The following SDC2 variants were observed in gnomAD, a reference collection of about 807,000 sequenced individuals.
The protein encoded by SDC2 is syndecan-2.
SDC2 carries 13 observed loss-of-function variants against 22.2 expected under a neutral mutation model. The ratio of observed to expected loss-of-function variants is 0.59; its 90% CI spans 0.38 to 0.93. SDC2 has a LOEUF of 0.93. Among genes scored for constraint, SDC2 ranks in the 40% least tolerant of loss-of-function variants. SDC2 has a pLI of 0.00. For synonymous variants in SDC2, 94 were observed against 92.8 expected (o/e 1.01, Z -0.07); for missense variants, 235 against 246.8 (o/e 0.95, Z 0.32).
At chr8:96,538,487 A>C (rs1393464933) in intron 1 of SDC2, among the ~76,000 whole-genome samples, 7,331 of 151,760 alleles carry the variant, frequency 0.048, 604 homozygotes, top group African/African-American at 0.16. Flanking sequence ...TTAAAGTCCA[A>C]TGTTAAGTCT....
At chr8:96,500,661 CAAAAAAAAAAA>C (rs56672989) in intron 1 of SDC2, among the ~76,000 whole-genome samples, 1 of 73,642 alleles carries the variant, frequency 1.4e-5, no homozygotes, top group East Asian at 3.3e-4. Flanking sequence ...GACTCCATCT[CAAAAAAAAAAA>C]AAAAAAAAAG....
chr8:96,596,128 C>G (rs1013340740), intron 2 of SDC2, among the ~76,000 whole-genome samples: 1 of 152,172 alleles, frequency 6.6e-6, no homozygotes, highest in Non-Finnish European at 1.5e-5. Flanking sequence ...ACGAGAAAAC[C>G]TGAGGCACAG....
At chr8:96,607,984 G>T (rs1815110979) in intron 3 of SDC2, among the ~76,000 whole-genome samples, 1 of 152,124 alleles carries the variant, frequency 6.6e-6, no homozygotes, top group African/African-American at 2.4e-5. Flanking sequence ...AGTGCTGTTG[G>T]GTTGGAGCAG....
chr8:96,591,890 C>G (rs1814787715), intron 1 of SDC2, among the ~76,000 whole-genome samples: 1 of 152,052 alleles, frequency 6.6e-6, no homozygotes, highest in South Asian at 2.1e-4. Flanking sequence ...TTTAAAGGAG[C>G]TGAGAGCCTA....
intron 1 of SDC2, among the ~76,000 whole-genome samples, chr8:96,540,644 T>G (rs190050818): frequency 6.6e-6 from 1 of 152,104 alleles, no homozygotes; most frequent in Admixed American, 6.5e-5. Flanking sequence ...CCCCCAACAC[T>G]CCTTTTTCAA....
intron 1 of SDC2, among the ~76,000 whole-genome samples, chr8:96,560,607 T>C (rs899049525): frequency 6.6e-6 from 1 of 152,200 alleles, no homozygotes; most frequent in South Asian, 2.1e-4. Context: ...GTTTGACTTT[T>C]AAGATGGAAG....
chr8:96,551,049 T>G (rs567063515), intron 1 of SDC2, among the ~76,000 whole-genome samples: 1 of 152,188 alleles, frequency 6.6e-6, no homozygotes, highest in African/African-American at 2.4e-5. Flanking sequence ...AGCATGTTCA[T>G]GCAAGTCCCC....
At chr8:96,524,665 C>A in intron 1 of SDC2, among the ~76,000 whole-genome samples, 1 of 151,550 alleles carries the variant, frequency 6.6e-6, no homozygotes. Context: ...GGGTGGCTGG[C>A]GTAATGAACC....
intron 1 of SDC2, among the ~76,000 whole-genome samples, chr8:96,537,642 T>A (rs1333439681): frequency 1.3e-5 from 2 of 152,238 alleles, no homozygotes; most frequent in East Asian, 3.8e-4. Flanking sequence ...TTCTTCTGTA[T>A]GATTTTTGCT....
At chr8:96,509,614 C>G (rs1428159054) in intron 1 of SDC2, among the ~76,000 whole-genome samples, 1 of 98,034 alleles carries the variant, frequency 1.0e-5, no homozygotes, top group Non-Finnish European at 2.7e-5. Flanking sequence ...CTTGGCCCCA[C>G]TCCAGACAAT....
chr8:96,587,147 C>G (rs1814700775), intron 1 of SDC2, among the ~76,000 whole-genome samples: 1 of 152,194 alleles, frequency 6.6e-6, no homozygotes, highest in South Asian at 2.1e-4. Flanking sequence ...TGGTCTCAAA[C>G]TCCTGACCTC....
At chr8:96,551,493 G>T (rs1488355222) in intron 1 of SDC2, among the ~76,000 whole-genome samples, 3 of 152,056 alleles carry the variant, frequency 2.0e-5, no homozygotes, top group Admixed American at 2.0e-4. Context: ...ACTATTATTA[G>T]CCCTAGTTTA....
chr8:96,501,127 T>A (rs150038281), intron 1 of SDC2, among the ~76,000 whole-genome samples: 1 of 152,108 alleles, frequency 6.6e-6, no homozygotes, highest in African/African-American at 2.4e-5. Flanking sequence ...AGCATTTTGG[T>A]GTTTTTTTTT....
At chr8:96,533,799 C>T (rs887715086) in intron 1 of SDC2, among the ~76,000 whole-genome samples, 1 of 152,252 alleles carries the variant, frequency 6.6e-6, no homozygotes, top group Non-Finnish European at 1.5e-5. Flanking sequence ...GGATCCTGCA[C>T]TGGGGCCACA....
chr8:96,494,485 C>G, intron 1 of SDC2, 154 bp downstream of exon 1: 1 of 682,860 alleles, frequency 1.5e-6, no homozygotes, highest in Non-Finnish European at 2.3e-6. Context: ...TCCGGTCACC[C>G]TTTCCCCCTC....
intron 1 of SDC2, among the ~76,000 whole-genome samples, chr8:96,583,709 GTGTGTGTGTA>G (rs1201705721): frequency 1.5e-5 from 2 of 132,010 alleles, no homozygotes; most frequent in Admixed American, 7.7e-5. Context: ...GTGTGTGTGT[GTGTGTGTGTA>G]TATATATATA....
At chr8:96,528,154 C>A (rs1210390073) in intron 1 of SDC2, among the ~76,000 whole-genome samples, 1 of 152,176 alleles carries the variant, frequency 6.6e-6, no homozygotes, top group Non-Finnish European at 1.5e-5. Flanking sequence ...CTATTTATAT[C>A]TTTGCTTTGG....
At chr8:96,593,238 A>G (rs774186788) in intron 1 of SDC2, among the ~76,000 whole-genome samples, 1 of 152,112 alleles carries the variant, frequency 6.6e-6, no homozygotes, top group Non-Finnish European at 1.5e-5. Flanking sequence ...GATCTCCGAA[A>G]TGTTTTCATT....
rs192156833 is a variant in SDC2, at chr8:96,504,295, G to A, written c.60+9964G>A. On this transcript the variant is annotated intron_variant, in intron 1 of 4. Coordinates refer to ENST00000302190, the MANE Select transcript of SDC2 (RefSeq NM_002998.4). ...GTCTCTAGTTGCATGAGTGACAGGTGTGTGACAACCCAATAAAGGATGGGC... is the reference window on the plus strand; with the variant it reads ...GTCTCTAGTTGCATGAGTGACAGGTATGTGACAACCCAATAAAGGATGGGC... Among the ~76,000 whole-genome samples the A allele has an allele frequency of 4.3e-3, 650 of 152,334 alleles. 1 individual carries two copies. The highest frequency in any genetic ancestry group is 6.8e-3 in the Middle Eastern group (2 of 294).
Sources: allele counts gnomAD v4.1 joint callset (sites outside exome capture counted in the v4.1 genomes callset), GRCh38; gene constraint gnomAD v4.1.1; transcripts MANE v1.5; gene names NCBI Gene and HGNC (gene_info 2026-07-23, HGNC 2026-07-21).